SKAP2: variants seen among roughly 807,000 people sequenced by gnomAD.
SKAP2 encodes the protein src kinase-associated phosphoprotein 2.
Under a neutral mutation model 54.9 loss-of-function variants are expected in SKAP2, and 28 were observed. That is an observed-to-expected ratio of 0.51 (90% CI 0.38 to 0.70). The LOEUF (loss-of-function observed/expected upper bound fraction) is 0.70. Ranked by LOEUF, SKAP2 falls within the 30% of genes least tolerant of loss-of-function variation. SKAP2 has a pLI of 0.00. For missense variants in SKAP2, 356 were observed against 424.1 expected (o/e 0.84, Z 1.41); for synonymous variants, 137 against 134.3 (o/e 1.02, Z -0.14).
At chr7:26,756,648 ATG>A (rs1423713205) in intron 4 of SKAP2, among the ~76,000 whole-genome samples, 1 of 152,180 alleles carries the variant, frequency 6.6e-6, no homozygotes, top group Non-Finnish European at 1.5e-5. Flanking sequence ...ATACACGTGC[ATG>A]TGTCTTTATA....
At position 26,678,440 on chromosome 7, in the gene SKAP2, T is replaced by C. The variant is rs2023820; in HGVS notation, c.987+6296A>G. The stretch of plus-strand genomic sequence containing the variant: ...ATTTTATTACAATTTTAACTGGTTG[T>C]TCTTTTTTTTTTTTTTTTTGAGATG... On this transcript the variant is annotated intron_variant, in intron 11 of 12. Transcript: ENST00000345317. Among the ~76,000 whole-genome samples, 7 of 149,148 alleles carry C rather than the reference T, an allele frequency of 4.7e-5. No individual in the cohort carries two copies. The East Asian group carries it at 1.4e-3, about 29-fold the overall frequency.
intron 9 of SKAP2, among the ~76,000 whole-genome samples, chr7:26,706,443 CTGAG>C (rs2127948119): frequency 6.6e-6 from 1 of 151,826 alleles, no homozygotes; most frequent in South Asian, 2.1e-4. Context: ...CAGGAATATT[CTGAG>C]TAAAATCTAT....
intron 11 of SKAP2, among the ~76,000 whole-genome samples, chr7:26,675,719 T>C (rs1262851210): frequency 6.6e-6 from 1 of 152,224 alleles, no homozygotes; most frequent in Non-Finnish European, 1.5e-5. Context: ...GTTAAAGAAT[T>C]GTAGTAGTGA....
chr7:26,734,567 G>T (rs1450285891), intron 6 of SKAP2, among the ~76,000 whole-genome samples: 1 of 152,108 alleles, frequency 6.6e-6, no homozygotes, highest in Non-Finnish European at 1.5e-5. Context: ...CCAAAACTGG[G>T]AAATTTATAA....
rs181744700 is a variant in SKAP2 at position 26,732,727 on chromosome 7, T to C, written c.470-5721A>G. On this transcript the variant is annotated intron_variant, in intron 6 of 12. Coordinates refer to ENST00000345317, the MANE Select transcript of SKAP2 (RefSeq NM_003930.5). ...TGTTCCAGCTCCTCAGTTAAAGATA[T>C]ATGAACATTCTCCTTTGGTTTATAC... Among the ~76,000 whole-genome samples the C allele has an allele frequency of 3.3e-5, 5 of 152,350 alleles. No individual in the cohort carries two copies. In the East Asian group the frequency reaches 7.7e-4, roughly 24 times the overall value.
At chr7:26,714,738 T>C (rs1787394153) in intron 9 of SKAP2, among the ~76,000 whole-genome samples, 1 of 152,224 alleles carries the variant, frequency 6.6e-6, no homozygotes, top group Non-Finnish European at 1.5e-5. Context: ...ATGTATGTGT[T>C]CGTGTGGCTA....
chr7:26,720,693 A>T (rs1271933358), intron 9 of SKAP2, among the ~76,000 whole-genome samples: 1 of 152,170 alleles, frequency 6.6e-6, no homozygotes, highest in Non-Finnish European at 1.5e-5. Flanking sequence ...GGAAGCAAAC[A>T]TGTCCTTCTT....
At chr7:26,779,879 A>G (rs1038922104) in intron 4 of SKAP2, among the ~76,000 whole-genome samples, 5 of 152,198 alleles carry the variant, frequency 3.3e-5, no homozygotes, top group Non-Finnish European at 7.4e-5. Context: ...AAACAGGTTT[A>G]AATAATTTCT....
downstream of SKAP2, among the ~76,000 whole-genome samples, chr7:26,666,372 A>G (rs1044210455): frequency 1.2e-4 from 19 of 152,318 alleles, no homozygotes; most frequent in Admixed American, 2.6e-4. Context: ...ATTTTAAATT[A>G]TGACCCTGGA....
At chr7:26,723,294 C>A (rs531255835) in intron 9 of SKAP2, among the ~76,000 whole-genome samples, 1 of 152,170 alleles carries the variant, frequency 6.6e-6, no homozygotes, top group Non-Finnish European at 1.5e-5. Flanking sequence ...ACTTGCTGAA[C>A]CGTGCAGATG....
chr7:26,845,932 TA>T (rs1174500497), intron 3 of SKAP2, among the ~76,000 whole-genome samples: 3 of 151,514 alleles, frequency 2.0e-5, no homozygotes, highest in Admixed American at 6.6e-5. Flanking sequence ...ACCCCATCTC[TA>T]AAAAAAAATT....
At chr7:26,785,481 C>T (rs576936144) in intron 4 of SKAP2, among the ~76,000 whole-genome samples, 11 of 152,224 alleles carry the variant, frequency 7.2e-5, no homozygotes, top group Admixed American at 2.6e-4. Flanking sequence ...CCATCGCGCC[C>T]GGCCGAGGAA....
rs76757383 is a variant in SKAP2, at chr7:26,694,453, T to C, written c.797-4091A>G. Among the ~76,000 whole-genome samples the C allele has an allele frequency of 5.7e-3, 824 of 143,964 alleles. 23 individuals are homozygous for C. The East Asian group carries it at 0.077, about 13-fold the overall frequency. 94.4% of individuals were successfully genotyped at this position (143,964 alleles called of 152,430 possible). On this transcript the variant is annotated intron_variant, in intron 9 of 12. Coordinates refer to ENST00000345317, the MANE Select transcript of SKAP2 (RefSeq NM_003930.5). ...CAATCACACATTGTTAGAAGAATCA[T>C]CAGGAGATTTTTTTTTTTTTTTTTG... is the stretch of plus-strand genomic sequence containing the variant.
rs556917285 is a variant in SKAP2, at chr7:26,701,808, A to ATTATT, written c.797-11451_797-11447dup. ...ATTGAATAGATTCTAGCACAAGGAT[A>ATTATT]TTATTTTAACTTCTCTTTTTTTCCC... On this transcript the variant is annotated intron_variant, in intron 9 of 12. Coordinates refer to ENST00000345317, the MANE Select transcript of SKAP2 (RefSeq NM_003930.5). Among the ~76,000 whole-genome samples, 115 of 152,352 alleles carry ATTATT rather than the reference A, an allele frequency of 7.5e-4. 1 individual carries two copies. The highest frequency in any genetic ancestry group is 2.6e-3 in the African/African-American group (110 of 41,584).
intron 9 of SKAP2, among the ~76,000 whole-genome samples, chr7:26,718,662 C>A (rs543611093): frequency 6.6e-6 from 1 of 151,972 alleles, no homozygotes; most frequent in African/African-American, 2.4e-5. Context: ...CGTGCCACCA[C>A]GCCCAGCTAA....
intron 11 of SKAP2, among the ~76,000 whole-genome samples, chr7:26,672,325 C>T (rs943958292): frequency 6.6e-6 from 1 of 152,000 alleles, no homozygotes. Context: ...GAAATCACAT[C>T]AACAAGGGCA....
intron 1 of SKAP2, among the ~76,000 whole-genome samples, chr7:26,857,081 T>C (rs1433889609): frequency 6.6e-6 from 1 of 151,474 alleles, no homozygotes; most frequent in Non-Finnish European, 1.5e-5. Context: ...AAAGTTTTTT[T>C]TGAAAGAGTG....
chr7:26,757,498 T>C (rs1463956243), intron 4 of SKAP2, among the ~76,000 whole-genome samples: 2 of 152,192 alleles, frequency 1.3e-5, no homozygotes, highest in Non-Finnish European at 2.9e-5. Context: ...TGTGGTATTA[T>C]TTCTGAGCGC....
intron 4 of SKAP2, among the ~76,000 whole-genome samples, chr7:26,826,807 C>T (rs1784500988): frequency 6.6e-6 from 1 of 152,038 alleles, no homozygotes; most frequent in Non-Finnish European, 1.5e-5. Flanking sequence ...TTTTATTCTC[C>T]CAAGTCTAAA....
Sources: gnomAD v4.1 joint callset for allele counts (sites outside exome capture counted in the v4.1 genomes callset) on GRCh38, gnomAD v4.1.1 for gene constraint, MANE v1.5 for transcripts, NCBI Gene and HGNC (gene_info 2026-07-23, HGNC 2026-07-21) for gene names.